CAMSAP2: variants seen among roughly 807,000 people sequenced by gnomAD.
The protein encoded by CAMSAP2 is calmodulin regulated spectrin associated protein family member 2.
A neutral mutation model predicts 146.1 loss-of-function variants in CAMSAP2; 26 were observed. The observed-to-expected ratio is 0.18, with a 90% CI of 0.13 to 0.25. CAMSAP2 has a LOEUF of 0.25. Ranked by LOEUF, CAMSAP2 falls within the 10% of genes least tolerant of loss-of-function variation. CAMSAP2 has a pLI of 1.00. For synonymous variants in CAMSAP2, 499 were observed against 596.6 expected (o/e 0.84, Z 2.38); for missense variants, 1,381 against 1,759.3 (o/e 0.78, Z 3.85).
chr1:200,748,139 A>C (rs916474324), intron 1 of CAMSAP2, among the ~76,000 whole-genome samples: 1 of 152,184 alleles, frequency 6.6e-6, no homozygotes, highest in African/African-American at 2.4e-5. Flanking sequence ...GATTATAGAA[A>C]ATCTCAAATA....
Position 200,817,220 on chromosome 1 carries a change from A to G in CAMSAP2, c.645+1576A>G, listed in dbSNP as rs1162090388. 3.3e-4 allele frequency among the ~76,000 whole-genome samples: 36 copies of G among 108,406 alleles called. 1 individual carries two copies. The highest frequency in any genetic ancestry group is 5.4e-4 in the Non-Finnish European group (28 of 51,794). 71.1% of individuals were successfully genotyped at this position (108,406 alleles called of 152,430 possible). ...TGTGTGTATACACACATACACACAT[A>G]TGTGTGTGTATATACACACATACAC... On this transcript the variant is annotated intron_variant, in intron 4 of 16. Transcript: ENST00000358823.
At chr1:200,790,252 AG>A (rs1467640248) in intron 2 of CAMSAP2, among the ~76,000 whole-genome samples, 4 of 152,152 alleles carry the variant, frequency 2.6e-5, no homozygotes, top group African/African-American at 9.7e-5. Flanking sequence ...GGTTTAACCT[AG>A]TTTCTTCTGA....
intron 2 of CAMSAP2, among the ~76,000 whole-genome samples, chr1:200,774,260 G>A (rs1665203710): frequency 1.3e-5 from 2 of 151,598 alleles, no homozygotes; most frequent in Admixed American, 6.6e-5. Flanking sequence ...CTGTTATTTT[G>A]TTGCTTGCTT....
At chr1:200,824,636 A>G (rs1012790191) in intron 4 of CAMSAP2, among the ~76,000 whole-genome samples, 6 of 152,148 alleles carry the variant, frequency 3.9e-5, no homozygotes, top group African/African-American at 7.2e-5. Flanking sequence ...TCAGTCCTAC[A>G]ATACATATAC....
At chr1:200,769,314 G>C (rs1665047283) in intron 2 of CAMSAP2, among the ~76,000 whole-genome samples, 1 of 152,188 alleles carries the variant, frequency 6.6e-6, no homozygotes, top group African/African-American at 2.4e-5. Flanking sequence ...TGATGAGAAA[G>C]ATAAAGGCTG....
intron 11 of CAMSAP2, 26 bp downstream of exon 11, chr1:200,850,260 G>A: frequency 6.6e-7 from 1 of 1,519,814 alleles, no homozygotes; most frequent in Non-Finnish European, 8.8e-7. Flanking sequence ...GCATAGTTTT[G>A]GGCATCTTCA....
intron 6 of CAMSAP2, among the ~76,000 whole-genome samples, chr1:200,836,668 C>A (rs920587462): frequency 2.6e-5 from 4 of 152,192 alleles, no homozygotes; most frequent in Non-Finnish European, 5.9e-5. Context: ...AATTACCACA[C>A]TGTTTTCCAC....
chr1:200,858,675 TTTA>T lies in CAMSAP2; in HGVS notation c.*622_*624del, dbSNP rs1667805194. ...ATTCTGCTAAGTATTTACAACTCTA[TTTA>T]TTATTCACTCAAGTATTAACATTCT... On this transcript the variant is annotated 3_prime_UTR_variant, in exon 17 of 17. Transcript: ENST00000358823. 1 of 152,658 alleles carries T rather than the reference TTTA, an allele frequency of 6.6e-6. No homozygotes were observed. The highest frequency in any genetic ancestry group is 2.4e-5 in the African/African-American group (1 of 41,448). The allele number at this position is 152,658 out of a possible 1,614,324, so 9.5% of individuals were successfully genotyped here. A position where few individuals can be genotyped will look rare whatever the true frequency, so the allele number is the denominator to read the frequency against.
intron 11 of CAMSAP2, 74 bp downstream of exon 11, chr1:200,850,308 A>G: frequency 7.7e-7 from 1 of 1,292,240 alleles, no homozygotes; most frequent in Non-Finnish European, 1.1e-6. Context: ...TTTTTTTTTC[A>G]GTTGACATGC....
intron 1 of CAMSAP2, among the ~76,000 whole-genome samples, chr1:200,756,485 T>G (rs1313105810): frequency 6.6e-6 from 1 of 151,252 alleles, no homozygotes; most frequent in Non-Finnish European, 1.5e-5. Flanking sequence ...GAAAAAAAAG[T>G]AAGTGGTGAA....
rs201163114 is a variant in CAMSAP2, at chr1:200,773,887, A to AAAAATAAAAT, written c.399+12848_399+12857dup. Among the ~76,000 whole-genome samples the AAAAATAAAAT allele has an allele frequency of 7.0e-3, 946 of 134,358 alleles. 10 individuals carry two copies. Among genetic ancestry groups the AAAAATAAAAT allele is most frequent in the African/African-American group, 0.012 (417 of 35,650 alleles). The allele number at this position is 134,358 out of a possible 152,430, so 88.1% of individuals were successfully genotyped here. On this transcript the variant is annotated intron_variant, in intron 2 of 16. Coordinates refer to ENST00000358823, the MANE Select transcript of CAMSAP2 (RefSeq NM_203459.4). ...GGCAACAGAGCAAGACTCTGTCTCA[A>AAAAATAAAAT]AAAATAAAATAAAATAAAATAAAAT...
Position 200,739,758 on chromosome 1 carries a change from A to C in CAMSAP2, c.-70A>C. On this transcript the variant is annotated 5_prime_UTR_variant, in exon 1 of 17. Transcript: ENST00000358823. This position sits in a 1 kb window ranked among gnomAD's most constrained non-coding sequence, Gnocchi z 4.8. The stretch of plus-strand genomic sequence containing the variant: ...TGAGCTTGCTTCTCCCTCCCTCCCG[A>C]CCCCCGTGGTGGCGAGGCCACGCCA... 9 of 1,384,082 alleles carry C rather than the reference A, an allele frequency of 6.5e-6. No homozygotes were observed. Among genetic ancestry groups the C allele is most frequent in the East Asian group, 2.9e-5 (1 of 34,880 alleles). 85.7% of individuals were successfully genotyped at this position (1,384,082 alleles called of 1,614,324 possible).
intron 2 of CAMSAP2, among the ~76,000 whole-genome samples, chr1:200,762,453 G>A (rs190241770): frequency 9.2e-5 from 14 of 152,266 alleles, no homozygotes; most frequent in African/African-American, 3.4e-4. Context: ...CCAGGGACAA[G>A]CAGAATCTAC....
At chr1:200,756,832 G>A (rs751679270) in intron 1 of CAMSAP2, among the ~76,000 whole-genome samples, 1 of 152,050 alleles carries the variant, frequency 6.6e-6, no homozygotes, top group Non-Finnish European at 1.5e-5. Context: ...TCCTTACCAC[G>A]TACCAGGCGC....
Position 200,849,273 on chromosome 1 carries a change from C to T in CAMSAP2, c.2504C>T (p.Ala835Val). 1.9e-6 allele frequency: 3 copies of T among 1,613,896 alleles called. No individual in the cohort carries two copies. Among genetic ancestry groups the T allele is most frequent in the Non-Finnish European group, 2.5e-6 (3 of 1,180,002 alleles). ...KTDGQRSKSL[A>V]DIKESMENPQ... ...GATGGACAAAGGAGCAAGTCACTGG[C>T]AGATATAAAAGAGAGCATGGAGAAT... Residue 835 changes from alanine to valine, a missense_variant, in exon 11 of 17, where the codon GCA becomes GTA. Coordinates refer to ENST00000358823, the MANE Select transcript of CAMSAP2 (RefSeq NM_203459.4). This position sits in a 1 kb window ranked among gnomAD's most constrained non-coding sequence, Gnocchi z 6.3.
At chr1:200,808,327 T>TG (rs1023886394) in intron 3 of CAMSAP2, among the ~76,000 whole-genome samples, 3 of 152,230 alleles carry the variant, frequency 2.0e-5, no homozygotes, top group African/African-American at 7.2e-5. Flanking sequence ...TCACTCCCTT[T>TG]GCCAATTTGA....
intron 2 of CAMSAP2, among the ~76,000 whole-genome samples, chr1:200,801,154 C>T (rs978029527): frequency 4.6e-5 from 7 of 151,878 alleles, no homozygotes; most frequent in African/African-American, 1.7e-4. Flanking sequence ...GTCCCAGCTA[C>T]TTGGGAGGCT....
At chr1:200,824,796 T>C (rs1328760382) in intron 4 of CAMSAP2, among the ~76,000 whole-genome samples, 1 of 152,086 alleles carries the variant, frequency 6.6e-6, no homozygotes, top group African/African-American at 2.4e-5. Context: ...CTGGCCAACA[T>C]GGTGAAACCC....
chr1:200,762,973 C>T (rs1558165755), intron 2 of CAMSAP2, among the ~76,000 whole-genome samples: 1 of 151,858 alleles, frequency 6.6e-6, no homozygotes, highest in Non-Finnish European at 1.5e-5. Context: ...GATCTTGGCT[C>T]ACAGCAACCT....
Sources: gnomAD v4.1 joint callset for allele counts (sites outside exome capture counted in the v4.1 genomes callset) on GRCh38, gnomAD v4.1.1 for gene constraint, Gnocchi (gnomAD v3.1) non-coding constraint, MANE v1.5 for transcripts, NCBI Gene and HGNC (gene_info 2026-07-23, HGNC 2026-07-21) for gene names.